Variants in ADAP1 observed in about 807,000 individuals in gnomAD.
The protein encoded by ADAP1 is ArfGAP with dual PH domains 1.
A neutral mutation model predicts 54.9 loss-of-function variants in ADAP1; 31 were observed. That is an observed-to-expected ratio of 0.56 (90% CI 0.42 to 0.76). The LOEUF (loss-of-function observed/expected upper bound fraction) is 0.76, where lower values mean the gene tolerates loss of function less well. Among genes scored for constraint, ADAP1 ranks in the 30% least tolerant of loss-of-function variants. ADAP1 has a pLI of 0.00. For synonymous variants in ADAP1, 313 were observed against 202.6 expected, an observed-to-expected ratio of 1.55 and a Z score of -4.63; for missense variants, 535 against 512.4, an observed-to-expected ratio of 1.04 and a Z score of -0.42.
Position 899,247 on chromosome 7 carries a change from T to C in ADAP1, c.882A>G (p.Arg294=). 2 of 1,612,724 alleles carry C rather than the reference T, an allele frequency of 1.2e-6. No homozygotes were observed. Residue 294 remains arginine, a synonymous_variant, in exon 10 of 11, where the codon CGA becomes CGG. Coordinates refer to ENST00000265846, the MANE Select transcript of ADAP1 (RefSeq NM_006869.4). ...CCTTGCTGCCAATGAAGACTTCCCC[T>C]CGGGCGAAGGCGTCCTGTGGGTGGG... ...YFKDPLDAFA[R]GEVFIGSKES... is the part of the protein sequence containing the mutation.
Position 900,171 on chromosome 7 carries a change from C to A in ADAP1, c.733-7G>T, listed in dbSNP as rs751781711. 1.9e-6 allele frequency: 3 copies of A among 1,612,938 alleles called. No homozygotes were observed. The African/African-American group carries it at 4.0e-5, about 22-fold the overall frequency. On this transcript the variant is annotated splice_polypyrimidine_tract_variant and splice_region_variant and intron_variant, in intron 7 of 10. Transcript: ENST00000265846. ...TGGAGAGCTTTGGCACCAGCTAGGG[C>A]AGGACACACCAGGCAGGGGACCTCA...
chr7:900,416 G>T, intron 7 of ADAP1, 117 bp downstream of exon 7: 1 of 1,201,382 alleles, frequency 8.3e-7, no homozygotes, highest in Non-Finnish European at 1.2e-6. Context: ...CCCTTGGCCA[G>T]TCCCAGGCCC....
chr7:936,567 G>A (rs73044440), intron 1 of ADAP1, among the ~76,000 whole-genome samples: 5,357 of 152,312 alleles, frequency 0.035, 128 homozygotes, highest in Non-Finnish European at 0.052. Flanking sequence ...TGTGGGGAGC[G>A]TCCAGCCCCG....
At chr7:916,243 G>A (rs117663868) in intron 4 of ADAP1, among the ~76,000 whole-genome samples, 19 of 152,306 alleles carry the variant, frequency 1.2e-4, no homozygotes, top group Non-Finnish European at 2.1e-4. Flanking sequence ...CAGGAGGATT[G>A]GTGCCAACCT....
At chr7:908,896 G>C (rs1845590068) in intron 4 of ADAP1, among the ~76,000 whole-genome samples, 1 of 152,152 alleles carries the variant, frequency 6.6e-6, no homozygotes, top group African/African-American at 2.4e-5. Flanking sequence ...TGGGTCCAGT[G>C]TGTCGGTTCC....
At chr7:912,575 G>C (rs980666973) in intron 4 of ADAP1, among the ~76,000 whole-genome samples, 4 of 152,230 alleles carry the variant, frequency 2.6e-5, no homozygotes, top group African/African-American at 4.8e-5. Flanking sequence ...CCGACACCAA[G>C]GGCTTCTCCC....
At position 898,837 on chromosome 7, in the gene ADAP1, C is replaced by T; in HGVS notation, c.*84G>A. 6.5e-7 allele frequency: 1 copy of T among 1,538,212 alleles called. No individual in the cohort carries two copies. The highest frequency in any genetic ancestry group is 8.8e-7 in the Non-Finnish European group (1 of 1,142,282). On this transcript the variant is annotated 3_prime_UTR_variant, in exon 11 of 11. Transcript: ENST00000265846. ...AGGAGCAGGTGGGGCCAGGTGGCCT[C>T]AGGACGCCAGAGCCCCCCCATCCAC...
rs771104555 is a variant in ADAP1 at position 898,908 on chromosome 7, C to G, written c.*13G>C. The stretch of plus-strand genomic sequence containing the variant: ...CAGTGAGTCCAATGTCCGTGGTCCT[C>G]CAGCCGCACTCGCTAAGGTTTATGC... On this transcript the variant is annotated 3_prime_UTR_variant, in exon 11 of 11. Coordinates refer to ENST00000265846, the MANE Select transcript of ADAP1 (RefSeq NM_006869.4). 1.7e-5 allele frequency: 27 copies of G among 1,596,592 alleles called. 1 individual carries two copies. In the South Asian group the frequency reaches 2.9e-4, roughly 17 times the overall value.
At chr7:943,697 C>T (rs62638846) in intron 1 of ADAP1, among the ~76,000 whole-genome samples, 5 of 5,068 alleles carry the variant, frequency 9.9e-4, no homozygotes, top group East Asian at 9.1e-3. Context: ...AGGAAGGGAG[C>T]GAGGAGGAAG....
chr7:944,964 G>A (rs1847101712), intron 1 of ADAP1, among the ~76,000 whole-genome samples: 1 of 152,160 alleles, frequency 6.6e-6, no homozygotes, highest in South Asian at 2.1e-4. Context: ...CTGGGAGAGT[G>A]ACCTCGGAAG....
At position 926,589 on chromosome 7, in the gene ADAP1, GGTAC is replaced by G; in HGVS notation, c.265_268del (p.Val89ProfsTer58). On this transcript the variant is annotated frameshift_variant, in exon 3 of 11. Coordinates refer to ENST00000265846, the MANE Select transcript of ADAP1 (RefSeq NM_006869.4). LOFTEE classifies it high-confidence loss of function. This position sits in a 1 kb window ranked among gnomAD's most constrained non-coding sequence, Gnocchi z 4.6. ...GGGCGTGGGCCGGTAGTAGAAGGAGGGTACTTTGGACTCAAACCTGGCTCTCGCG... is the reference window on the plus strand; with the variant it reads ...GGGCGTGGGCCGGTAGTAGAAGGAGGTTTGGACTCAAACCTGGCTCTCGCG... 6.5e-7 allele frequency: 1 copy of G among 1,542,938 alleles called. No individual in the cohort carries two copies. Among genetic ancestry groups the G allele is most frequent in the Non-Finnish European group, 8.7e-7 (1 of 1,144,910 alleles).
intron 4 of ADAP1, among the ~76,000 whole-genome samples, chr7:914,666 A>C (rs1416466145): frequency 7.9e-5 from 12 of 152,184 alleles, no homozygotes; most frequent in Admixed American, 7.9e-4. Flanking sequence ...CTAGGGTTCC[A>C]AATAGCAGCG....
intron 4 of ADAP1, chr7:905,696 A>AGAAAGG (rs1562912639): frequency 1.4e-4 from 2 of 14,156 alleles, no homozygotes; most frequent in Admixed American, 9.3e-4. Context: ...AGGAGAAAGG[A>AGAAAGG]GAAAGGAGAA....
At chr7:917,284 A>G (rs1348020300) in intron 4 of ADAP1, among the ~76,000 whole-genome samples, 2 of 22,164 alleles carry the variant, frequency 9.0e-5, no homozygotes, top group Non-Finnish European at 1.5e-4. Flanking sequence ...TGCCAGCTCT[A>G]CCGGGGAGGT....
intron 4 of ADAP1, among the ~76,000 whole-genome samples, chr7:906,796 C>CAT (rs1845470723): frequency 2.9e-5 from 1 of 34,212 alleles, no homozygotes. Context: ...GGGGACGGGA[C>CAT]AGGGGACATG....
At chr7:919,337 AGAG>A (rs1441229121) in intron 4 of ADAP1, among the ~76,000 whole-genome samples, 1 of 152,166 alleles carries the variant, frequency 6.6e-6, no homozygotes, top group Non-Finnish European at 1.5e-5. Context: ...CACCACCAGC[AGAG>A]GAGGGGCCAG....
chr7:914,074 G>A (rs878923328), intron 4 of ADAP1, among the ~76,000 whole-genome samples: 2 of 152,358 alleles, frequency 1.3e-5, no homozygotes, highest in East Asian at 1.9e-4. Flanking sequence ...TGGGGCCCCC[G>A]CCCTGTGAGA....
At chr7:936,672 C>T (rs1234950208) in intron 1 of ADAP1, among the ~76,000 whole-genome samples, 2 of 152,354 alleles carry the variant, frequency 1.3e-5, no homozygotes, top group East Asian at 3.9e-4. Flanking sequence ...AGTGGAATGG[C>T]TGAAAGGCAC....
At chr7:934,888 C>A (rs1453313826) in intron 2 of ADAP1, among the ~76,000 whole-genome samples, 3 of 152,196 alleles carry the variant, frequency 2.0e-5, no homozygotes, top group African/African-American at 7.2e-5. Flanking sequence ...GCTGTGTCAC[C>A]TCAGAGGCCG....
Sources: allele counts gnomAD v4.1 joint callset (sites outside exome capture counted in the v4.1 genomes callset), GRCh38; gene constraint gnomAD v4.1.1; non-coding constraint Gnocchi (gnomAD v3.1); transcripts MANE v1.5; gene names NCBI Gene and HGNC (gene_info 2026-07-23, HGNC 2026-07-21).